Variants in KCNAB1 observed in about 807,000 individuals in gnomAD.
KCNAB1 encodes voltage-gated potassium channel subunit beta-1.
Under a neutral mutation model 64.6 loss-of-function variants are expected in KCNAB1, and 35 were observed. The observed-to-expected ratio is 0.54, with a 90% confidence interval of 0.41 to 0.72. The LOEUF is 0.72. KCNAB1 is among the 30% of genes least tolerant of loss of function. The probability of loss-of-function intolerance (pLI) is 0.00; values close to 1 mark genes in which losing one functional copy is unlikely to be tolerated. For missense variants in KCNAB1, 401 were observed against 512.9 expected (o/e 0.78, Z 2.11); for synonymous variants, 177 against 183.8 (o/e 0.96, Z 0.30).
At chr3:156,428,933 T>G (rs758516089) in intron 2 of KCNAB1, among the ~76,000 whole-genome samples, 1 of 152,226 alleles carries the variant, frequency 6.6e-6, no homozygotes, top group Non-Finnish European at 1.5e-5. Context: ...GGAAATGTTC[T>G]GTGTCCTTTT....
At chr3:156,412,529 G>T (rs1714737605) in intron 1 of KCNAB1, among the ~76,000 whole-genome samples, 1 of 152,234 alleles carries the variant, frequency 6.6e-6, no homozygotes. Context: ...AGTCACTGAA[G>T]TATTGAGTCG....
chr3:156,275,627 T>G lies in KCNAB1; in HGVS notation c.276-145989T>G, dbSNP rs559705085. Among the ~76,000 whole-genome samples, 6 of 152,320 alleles carry G rather than the reference T, an allele frequency of 3.9e-5. No homozygotes were observed. In the South Asian group the frequency reaches 1.0e-3, roughly 26 times the overall value. ...CTTACGGAATATTCTGAATCATTTGTTGTCATTTCAAGAATATTCACAGCA... is the reference window on the plus strand; with the variant it reads ...CTTACGGAATATTCTGAATCATTTGGTGTCATTTCAAGAATATTCACAGCA... On this transcript the variant is annotated intron_variant, in intron 1 of 13. Transcript: ENST00000490337.
rs1414955697 is a variant in KCNAB1 at position 156,538,427 on chromosome 3, T to G, written c.*1680T>G. The stretch of plus-strand genomic sequence containing the variant: ...AGTACCTGTATTCTAACAGAGAGTT[T>G]GAATTTTTTGCCCGTGTTATCAGAA... On this transcript the variant is annotated 3_prime_UTR_variant, in exon 14 of 14. Coordinates refer to ENST00000490337, the MANE Select transcript of KCNAB1 (RefSeq NM_172160.3). 2 of 152,234 alleles carry G rather than the reference T, an allele frequency of 1.3e-5. No homozygotes were observed. The highest frequency in any genetic ancestry group is 2.4e-5 in the African/African-American group (1 of 41,458). 9.4% of individuals were successfully genotyped at this position (152,234 alleles called of 1,614,324 possible). A position where few individuals can be genotyped will look rare whatever the true frequency, so the allele number is the denominator to read the frequency against.
At chr3:156,250,606 T>G (rs1717774834) in intron 1 of KCNAB1, among the ~76,000 whole-genome samples, 1 of 152,214 alleles carries the variant, frequency 6.6e-6, no homozygotes, top group Non-Finnish European at 1.5e-5. Context: ...TTTTTTACCC[T>G]TGATAGAGTA....
intron 1 of KCNAB1, among the ~76,000 whole-genome samples, chr3:156,262,941 T>C (rs1718509492): frequency 6.6e-6 from 1 of 151,884 alleles, no homozygotes; most frequent in South Asian, 2.1e-4. Context: ...TTTTTTGTTG[T>C]GAAGTTGTTC....
At chr3:156,280,796 A>G (rs1719662448) in intron 1 of KCNAB1, among the ~76,000 whole-genome samples, 1 of 151,702 alleles carries the variant, frequency 6.6e-6, no homozygotes, top group Admixed American at 6.6e-5. Context: ...AATGCTTGTG[A>G]TTTTTGTACA....
At chr3:156,265,852 T>C (rs1223150318) in intron 1 of KCNAB1, among the ~76,000 whole-genome samples, 2 of 151,858 alleles carry the variant, frequency 1.3e-5, no homozygotes, top group African/African-American at 4.8e-5. Context: ...ATTAGCTGGG[T>C]GTGGTAGCTC....
At chr3:156,355,498 T>C (rs937770228) in intron 1 of KCNAB1, among the ~76,000 whole-genome samples, 3 of 152,214 alleles carry the variant, frequency 2.0e-5, no homozygotes, top group Non-Finnish European at 4.4e-5. Context: ...CCCTGCATGT[T>C]GACCTACCTG....
At chr3:156,496,807 C>T (rs1434675312) in intron 8 of KCNAB1, among the ~76,000 whole-genome samples, 1 of 152,006 alleles carries the variant, frequency 6.6e-6, no homozygotes, top group Non-Finnish European at 1.5e-5. Flanking sequence ...GCCTCAGAAA[C>T]AGCAAGGAAA....
intron 1 of KCNAB1, among the ~76,000 whole-genome samples, chr3:156,378,063 T>C (rs1196153762): frequency 1.3e-5 from 2 of 152,040 alleles, no homozygotes; most frequent in Non-Finnish European, 2.9e-5. Context: ...CAGGGAGCCT[T>C]TATCTTCAGA....
chr3:156,448,887 C>T (rs1711787406), intron 2 of KCNAB1, among the ~76,000 whole-genome samples: 1 of 152,108 alleles, frequency 6.6e-6, no homozygotes, highest in South Asian at 2.1e-4. Flanking sequence ...TGACCATGTA[C>T]TAAGAACCCA....
chr3:156,306,793 C>T (rs1024737718), intron 1 of KCNAB1, among the ~76,000 whole-genome samples: 1 of 152,148 alleles, frequency 6.6e-6, no homozygotes, highest in African/African-American at 2.4e-5. Context: ...TTCTGCGAAG[C>T]CCCTGGTGTG....
chr3:156,234,586 T>A (rs1279930998), intron 1 of KCNAB1, among the ~76,000 whole-genome samples: 1 of 151,404 alleles, frequency 6.6e-6, no homozygotes, highest in Non-Finnish European at 1.5e-5. Context: ...GTTGGGGGGG[T>A]GTCCTGAGTG....
In KCNAB1 at chr3:156,312,729, A is replaced by AAAAAAAAAAAAAAAAC. The variant is rs1560189800; in HGVS notation, c.276-108885_276-108884insAAAAAAAAAAAAACAA. Among the ~76,000 whole-genome samples the AAAAAAAAAAAAAAAAC allele has an allele frequency of 1.1e-4, 16 of 150,096 alleles. 1 individual carries two copies. The highest frequency in any genetic ancestry group is 1.6e-4 in the Non-Finnish European group (11 of 67,352). ...AAAAAAAAAAAAAAAAAAAAAAAAA[A>AAAAAAAAAAAAAAAAC]AACTCATAATAATGAAATTAGTTCT... On this transcript the variant is annotated intron_variant, in intron 1 of 13. Transcript: ENST00000490337.
At chr3:156,325,393 G>T (rs1722903576) in intron 1 of KCNAB1, among the ~76,000 whole-genome samples, 1 of 152,056 alleles carries the variant, frequency 6.6e-6, no homozygotes, top group South Asian at 2.1e-4. Flanking sequence ...TTATTGAGAA[G>T]CACGTCTCTT....
rs190504339 is a variant in KCNAB1, at chr3:156,499,837, C to T, written c.659-14527C>T. Among the ~76,000 whole-genome samples the T allele has an allele frequency of 1.1e-4, 17 of 152,276 alleles. No homozygotes were observed. The East Asian group carries it at 3.1e-3, about 28-fold the overall frequency. On this transcript the variant is annotated intron_variant, in intron 8 of 13. Coordinates refer to ENST00000490337, the MANE Select transcript of KCNAB1 (RefSeq NM_172160.3). ...GTAGGCACTCAGTAGAGTCCATGCC[C>T]TCTCTGTCCCTCTGTTGCCATGTGG...
At chr3:156,309,352 G>C (rs1721731628) in intron 1 of KCNAB1, among the ~76,000 whole-genome samples, 1 of 152,198 alleles carries the variant, frequency 6.6e-6, no homozygotes, top group African/African-American at 2.4e-5. Flanking sequence ...CTTTACCACA[G>C]AGGCCTCAGC....
intron 12 of KCNAB1, among the ~76,000 whole-genome samples, chr3:156,527,459 A>T (rs1287958347): frequency 6.6e-6 from 1 of 152,214 alleles, no homozygotes; most frequent in Non-Finnish European, 1.5e-5. Context: ...ATATGCAGAG[A>T]AACATATTCT....
At chr3:156,138,597 G>A (rs564121807) in intron 1 of KCNAB1, among the ~76,000 whole-genome samples, 2 of 152,276 alleles carry the variant, frequency 1.3e-5, no homozygotes, top group East Asian at 1.9e-4. Flanking sequence ...TAAATCTCAC[G>A]AGCCTGGTAT....
Sources: gnomAD v4.1 joint callset for allele counts (sites outside exome capture counted in the v4.1 genomes callset) on GRCh38, gnomAD v4.1.1 for gene constraint, MANE v1.5 for transcripts, NCBI Gene and HGNC (gene_info 2026-07-23, HGNC 2026-07-21) for gene names.